JAZF1: variants seen among roughly 807,000 people sequenced by gnomAD.
JAZF1 encodes the protein JAZF zinc finger 1.
JAZF1 carries 8 observed loss-of-function variants against 26.4 expected under a neutral mutation model. That is an observed-to-expected ratio of 0.30 (90% CI 0.18 to 0.55). JAZF1 has a LOEUF of 0.55. Ranked by LOEUF, JAZF1 falls within the 20% of genes least tolerant of loss-of-function variation. The pLI is 0.94. For synonymous variants in JAZF1, 126 were observed against 122.3 expected (o/e 1.03, Z -0.20); for missense variants, 199 against 322.0 (o/e 0.62, Z 2.92).
chr7:27,992,416 C>T (rs1024714685), intron 1 of JAZF1, among the ~76,000 whole-genome samples: 3 of 152,148 alleles, frequency 2.0e-5, no homozygotes, highest in South Asian at 2.1e-4. Context: ...TTCTTGTTCA[C>T]GGAACACTTT....
chr7:28,119,207 G>A lies in JAZF1; in HGVS notation c.115+61256C>T, dbSNP rs556852801. 9.9e-5 allele frequency among the ~76,000 whole-genome samples: 15 copies of A among 152,182 alleles called. No homozygotes were observed. The South Asian group carries it at 2.5e-3, about 25-fold the overall frequency. Reference sequence around the variant, plus strand: ...CCTGCAGACCATCACTCACAAACCTGATCTCCAGCCCTGAGAGGACGCTCC... The same window carrying A: ...CCTGCAGACCATCACTCACAAACCTAATCTCCAGCCCTGAGAGGACGCTCC... On this transcript the variant is annotated intron_variant, in intron 1 of 4. Coordinates refer to ENST00000283928, the MANE Select transcript of JAZF1 (RefSeq NM_175061.4).
chr7:28,128,105 T>C (rs955800442), intron 1 of JAZF1, among the ~76,000 whole-genome samples: 1 of 152,142 alleles, frequency 6.6e-6, no homozygotes, highest in Non-Finnish European at 1.5e-5. Context: ...TATTAAATTG[T>C]GAGTTAAGAA....
intron 1 of JAZF1, among the ~76,000 whole-genome samples, chr7:28,091,073 G>T (rs1407568113): frequency 6.6e-6 from 1 of 151,586 alleles, no homozygotes; most frequent in East Asian, 1.9e-4. Flanking sequence ...TGATCCACCC[G>T]CCTCGGCCTC....
chr7:27,834,657 G>T (rs1309116461), intron 4 of JAZF1, among the ~76,000 whole-genome samples: 1 of 152,210 alleles, frequency 6.6e-6, no homozygotes, highest in Non-Finnish European at 1.5e-5. Flanking sequence ...TGTTAGATGG[G>T]TAGATATGCC....
chr7:27,947,892 C>T (rs1301756347), intron 2 of JAZF1, among the ~76,000 whole-genome samples: 1 of 152,162 alleles, frequency 6.6e-6, no homozygotes, highest in Non-Finnish European at 1.5e-5. Context: ...AGCTGGGTGT[C>T]TCAGACAAGC....
intron 2 of JAZF1, among the ~76,000 whole-genome samples, chr7:27,958,780 C>A (rs1257665125): frequency 1.3e-5 from 2 of 152,170 alleles, no homozygotes; most frequent in Admixed American, 6.5e-5. Flanking sequence ...GGTACCACAT[C>A]CACCCTAGCA....
chr7:28,057,858 G>A (rs1783737118), intron 1 of JAZF1, among the ~76,000 whole-genome samples: 1 of 152,136 alleles, frequency 6.6e-6, no homozygotes, highest in Non-Finnish European at 1.5e-5. Flanking sequence ...AATCTTGGCA[G>A]AGGTTTGTCA....
chr7:28,068,381 C>T (rs1407907850), intron 1 of JAZF1, among the ~76,000 whole-genome samples: 2 of 152,178 alleles, frequency 1.3e-5, no homozygotes, highest in Non-Finnish European at 2.9e-5. Flanking sequence ...GCTTCTCATG[C>T]ATGCATAATA....
At chr7:28,093,554 A>G (rs968028867) in intron 1 of JAZF1, among the ~76,000 whole-genome samples, 10 of 152,248 alleles carry the variant, frequency 6.6e-5, no homozygotes, top group Non-Finnish European at 1.2e-4. Flanking sequence ...AACTTATCTG[A>G]AAAACTTGAT....
At chr7:27,941,902 G>A (rs1784853785) in intron 2 of JAZF1, among the ~76,000 whole-genome samples, 11 of 152,292 alleles carry the variant, frequency 7.2e-5, no homozygotes, top group Admixed American at 7.2e-4. Flanking sequence ...GTAAGGGGGA[G>A]GGGACAGGCA....
intron 1 of JAZF1, among the ~76,000 whole-genome samples, chr7:28,079,244 G>A (rs962403087): frequency 6.6e-6 from 1 of 151,964 alleles, no homozygotes; most frequent in African/African-American, 2.4e-5. Context: ...CCGCCTGCTT[G>A]GGCCTCCCAA....
chr7:27,891,563 C>CT (rs1447851345), intron 3 of JAZF1, among the ~76,000 whole-genome samples: 1 of 152,216 alleles, frequency 6.6e-6, no homozygotes. Flanking sequence ...ATGGTGGCCC[C>CT]TGCCTGTAAT....
chr7:28,095,250 A>G (rs1020121419), intron 1 of JAZF1, among the ~76,000 whole-genome samples: 3 of 152,154 alleles, frequency 2.0e-5, no homozygotes, highest in African/African-American at 4.8e-5. Flanking sequence ...CCATTTTTAT[A>G]CTGCTATGAA....
At chr7:27,943,969 A>G (rs1784888599) in intron 2 of JAZF1, among the ~76,000 whole-genome samples, 1 of 152,166 alleles carries the variant, frequency 6.6e-6, no homozygotes, top group South Asian at 2.1e-4. Flanking sequence ...TATGACACAA[A>G]GCAATGTTGA....
At chr7:28,014,222 C>T (rs887588056) in intron 1 of JAZF1, among the ~76,000 whole-genome samples, 1 of 152,108 alleles carries the variant, frequency 6.6e-6, no homozygotes, top group Non-Finnish European at 1.5e-5. Context: ...ATGCCAATTG[C>T]ATTTGGTTTT....
chr7:28,011,014 G>A (rs546693254), intron 1 of JAZF1, among the ~76,000 whole-genome samples: 6 of 152,114 alleles, frequency 3.9e-5, no homozygotes, highest in African/African-American at 1.2e-4. Context: ...GGTAACTAGC[G>A]GGCTCCTCAC....
chr7:27,834,323 C>CT (rs1375710766), intron 4 of JAZF1, among the ~76,000 whole-genome samples: 1 of 152,212 alleles, frequency 6.6e-6, no homozygotes, highest in Non-Finnish European at 1.5e-5. Context: ...GATTACTACA[C>CT]TAGAGATGTG....
chr7:28,135,595 C>T (rs1392046358), intron 1 of JAZF1, among the ~76,000 whole-genome samples: 2 of 152,062 alleles, frequency 1.3e-5, no homozygotes, highest in Non-Finnish European at 2.9e-5. Context: ...CATCTGGGGA[C>T]GGCATTTTGA....
At chr7:28,038,465 C>G (rs560450213) in intron 1 of JAZF1, among the ~76,000 whole-genome samples, 12 of 152,228 alleles carry the variant, frequency 7.9e-5, no homozygotes, top group Admixed American at 5.9e-4. Context: ...AAAAATTCTA[C>G]TACGGAATTT....
Sources: allele counts gnomAD v4.1 joint callset (sites outside exome capture counted in the v4.1 genomes callset), GRCh38; gene constraint gnomAD v4.1.1; transcripts MANE v1.5; gene names NCBI Gene and HGNC (gene_info 2026-07-23, HGNC 2026-07-21).